DMD: variants seen among roughly 807,000 people sequenced by gnomAD.
The protein encoded by DMD is mutant dystrophin.
DMD carries 63 observed loss-of-function variants against 330.1 expected under a neutral mutation model. The observed-to-expected ratio is 0.19, with a 90% CI of 0.16 to 0.24. DMD has a LOEUF of 0.24. DMD is among the 10% of genes least tolerant of loss of function. DMD has a pLI of 1.00. For missense variants in DMD, 3,344 were observed against 2,684.1 expected, an observed-to-expected ratio of 1.25 and a Z score of -5.43; for synonymous variants, 1,223 against 959.8, an observed-to-expected ratio of 1.27 and a Z score of -5.07.
At chrX:31,299,954 T>C (rs1229673090) in intron 62 of DMD, among the ~76,000 whole-genome samples, 4 of 111,338 alleles carry the variant, frequency 3.6e-5, no homozygotes, top group African/African-American at 1.3e-4. Flanking sequence ...ACTGGGAATA[T>C]ACAAGAGGAA....
intron 55 of DMD, among the ~76,000 whole-genome samples, chrX:31,572,357 A>G (rs919449010): frequency 8.9e-6 from 1 of 111,996 alleles, no homozygotes; most frequent in Non-Finnish European, 1.9e-5. Flanking sequence ...CATAAGAGGT[A>G]ACCACCTTCA....
chrX:32,183,571 A>T (rs199985473), intron 44 of DMD, among the ~76,000 whole-genome samples: 23,899 of 94,723 alleles, frequency 0.25, 3,212 homozygotes, highest in Admixed American at 0.41. Flanking sequence ...TATATATATA[A>T]ATATATATAT....
chrX:32,889,015 G>A (rs1358305339), intron 2 of DMD, among the ~76,000 whole-genome samples: 1 of 110,460 alleles, frequency 9.1e-6, no homozygotes, highest in Non-Finnish European at 1.9e-5. Flanking sequence ...AGAATGTAAA[G>A]TAGAAACAAG....
At chrX:32,293,301 T>C (rs1220102019) in intron 42 of DMD, among the ~76,000 whole-genome samples, 1 of 111,632 alleles carries the variant, frequency 9.0e-6, no homozygotes, top group Non-Finnish European at 1.9e-5. Context: ...TCAGGAAAGG[T>C]GTTTAGGGTG....
chrX:31,697,626 A>G (rs1430283280), intron 52 of DMD, among the ~76,000 whole-genome samples: 1 of 112,241 alleles, frequency 8.9e-6, no homozygotes, highest in African/African-American at 3.2e-5. Context: ...CAAGTTTTTT[A>G]GACTAGCTAT....
intron 19 of DMD, among the ~76,000 whole-genome samples, chrX:32,498,285 C>T (rs1338530786): frequency 9.0e-6 from 1 of 111,197 alleles, no homozygotes; most frequent in Non-Finnish European, 1.9e-5. Flanking sequence ...CACATTTATC[C>T]AACCAATTAA....
At chrX:32,175,302 C>A (rs1046409888) in intron 44 of DMD, among the ~76,000 whole-genome samples, 1 of 109,663 alleles carries the variant, frequency 9.1e-6, no homozygotes, top group Non-Finnish European at 1.9e-5. Flanking sequence ...CACCAATCAG[C>A]GCTCTGTAAA....
chrX:32,941,050 T>G (rs1295048730), intron 2 of DMD, among the ~76,000 whole-genome samples: 2 of 111,308 alleles, frequency 1.8e-5, no homozygotes, highest in Admixed American at 9.5e-5. Context: ...TATGAAAAAA[T>G]GCTGAATAAC....
In DMD at chrX:31,506,233, A is replaced by G. The variant is rs182333413; in HGVS notation, c.8390+1048T>C. Among the ~76,000 whole-genome samples the G allele has an allele frequency of 6.3e-5, 7 of 111,631 alleles. No individual in the cohort carries two copies. The East Asian group carries it at 2.0e-3, about 32-fold the overall frequency. ...CAGATTTTCCTCCTTATAGAAGTAT[A>G]TATGTTAAAATTTTGGACAAGTTAG... is the stretch of plus-strand genomic sequence containing the variant. On this transcript the variant is annotated intron_variant, in intron 56 of 78. Transcript: ENST00000357033.
chrX:32,828,988 T>TTA (rs1448530861), intron 4 of DMD, among the ~76,000 whole-genome samples: 1 of 111,747 alleles, frequency 8.9e-6, no homozygotes, highest in Non-Finnish European at 1.9e-5. Flanking sequence ...TTCTTGAATT[T>TTA]TAAGAGCTCT....
At chrX:31,322,167 G>A (rs966598798) in intron 62 of DMD, among the ~76,000 whole-genome samples, 18 of 111,991 alleles carry the variant, frequency 1.6e-4, no homozygotes, top group Non-Finnish European at 3.2e-4. Context: ...AAAAGTGAGA[G>A]CTTTATGAAT....
At chrX:31,870,452 G>A (rs2093872380) in intron 48 of DMD, among the ~76,000 whole-genome samples, 1 of 111,508 alleles carries the variant, frequency 9.0e-6, no homozygotes, top group Admixed American at 9.5e-5. Context: ...AACACAGATG[G>A]CCTAAATAAG....
chrX:32,742,708 G>T (rs1163570903), intron 7 of DMD, among the ~76,000 whole-genome samples: 4 of 111,958 alleles, frequency 3.6e-5, no homozygotes, highest in African/African-American at 1.3e-4. Flanking sequence ...CAGACATTGG[G>T]CAGTAGGTAT....
At chrX:31,150,541 G>A (rs1177762784) in intron 74 of DMD, among the ~76,000 whole-genome samples, 1 of 112,173 alleles carries the variant, frequency 8.9e-6, no homozygotes, top group Non-Finnish European at 1.9e-5. Flanking sequence ...ACAGATTTCT[G>A]TTGTTCACAG....
At chrX:31,784,803 A>G (rs2091209395) in intron 50 of DMD, among the ~76,000 whole-genome samples, 1 of 112,165 alleles carries the variant, frequency 8.9e-6, no homozygotes. Context: ...ATGTTCTGAT[A>G]ACATTTAAAG....
Position 32,139,606 on chromosome X carries a change from C to T in DMD, c.6438+77310G>A, listed in dbSNP as rs750348496. On this transcript the variant is annotated intron_variant, in intron 44 of 78. Coordinates refer to ENST00000357033, the MANE Select transcript of DMD (RefSeq NM_004006.3). ...ATGACTCACAGTAAAAGAGCATGTG[C>T]AAAAACAGGTGAAATCCAAGTAAGG... Among the ~76,000 whole-genome samples, 28 of 112,056 alleles carry T rather than the reference C, an allele frequency of 2.5e-4. 1 individual carries two copies. The highest frequency in any genetic ancestry group is 9.1e-4 in the African/African-American group (28 of 30,905).
intron 7 of DMD, among the ~76,000 whole-genome samples, chrX:32,769,506 T>TA (rs1373557227): frequency 8.9e-6 from 1 of 112,207 alleles, no homozygotes; most frequent in Non-Finnish European, 1.9e-5. Flanking sequence ...ACATTGGACT[T>TA]ATACCTGGGC....
chrX:31,433,103 G>A (rs990744041), intron 60 of DMD, among the ~76,000 whole-genome samples: 2 of 111,846 alleles, frequency 1.8e-5, no homozygotes, highest in African/African-American at 6.5e-5. Context: ...TTACATCCAT[G>A]TGTACCCAAA....
intron 62 of DMD, among the ~76,000 whole-genome samples, chrX:31,280,154 A>T (rs1432547599): frequency 1.8e-5 from 2 of 112,175 alleles, no homozygotes; most frequent in African/African-American, 6.5e-5. Context: ...TGTTAATAAG[A>T]TAATGCTGAA....
Sources: allele counts gnomAD v4.1 joint callset (sites outside exome capture counted in the v4.1 genomes callset), GRCh38; gene constraint gnomAD v4.1.1; transcripts MANE v1.5; gene names NCBI Gene and HGNC (gene_info 2026-07-23, HGNC 2026-07-21).